The following GABRB1 variants were observed in gnomAD, a reference collection of about 807,000 sequenced individuals.
GABRB1 encodes the protein gamma-aminobutyric acid receptor subunit beta-1.
A neutral mutation model predicts 51.6 loss-of-function variants in GABRB1; 17 were observed. The observed-to-expected ratio is 0.33, with a 90% CI of 0.23 to 0.49. The LOEUF (loss-of-function observed/expected upper bound fraction) is 0.49, where lower values mean the gene tolerates loss of function less well. Ranked by LOEUF, GABRB1 falls within the 20% of genes least tolerant of loss-of-function variation. The probability of loss-of-function intolerance (pLI) is 0.99; values close to 1 mark genes in which losing one functional copy is unlikely to be tolerated. For synonymous variants in GABRB1, 247 were observed against 218.9 expected, an observed-to-expected ratio of 1.13 and a Z score of -1.14; for missense variants, 410 against 600.6, an observed-to-expected ratio of 0.68 and a Z score of 3.32.
chr4:47,398,521 A>G (rs1283305543), intron 5 of GABRB1, among the ~76,000 whole-genome samples: 3 of 152,198 alleles, frequency 2.0e-5, no homozygotes, highest in Non-Finnish European at 4.4e-5. Flanking sequence ...GGAAAGATAT[A>G]TCTTCCCATG....
chr4:47,367,386 A>T (rs1021254720), intron 5 of GABRB1, among the ~76,000 whole-genome samples: 4 of 152,208 alleles, frequency 2.6e-5, no homozygotes, highest in African/African-American at 9.7e-5. Context: ...GAAATTCAAT[A>T]AGTAATTTAT....
intron 3 of GABRB1, among the ~76,000 whole-genome samples, chr4:47,115,038 C>A (rs1363976077): frequency 2.0e-5 from 3 of 152,134 alleles, no homozygotes; most frequent in African/African-American, 7.2e-5. Flanking sequence ...AGTTCCCGTT[C>A]TCTGATACTG....
chr4:47,075,266 A>G (rs1335129210), intron 3 of GABRB1, among the ~76,000 whole-genome samples: 3 of 152,182 alleles, frequency 2.0e-5, no homozygotes, highest in Admixed American at 1.3e-4. Flanking sequence ...TACCAGCTGA[A>G]CCAGCTTTTG....
At chr4:47,384,215 A>G (rs906805966) in intron 5 of GABRB1, among the ~76,000 whole-genome samples, 11 of 152,036 alleles carry the variant, frequency 7.2e-5, no homozygotes. Flanking sequence ...TCCATATATA[A>G]TCTTTGTTAT....
intron 4 of GABRB1, among the ~76,000 whole-genome samples, chr4:47,273,868 C>CACAT (rs138677000): frequency 0.014 from 1,760 of 124,534 alleles, 12 homozygotes; most frequent in Middle Eastern, 0.039. Flanking sequence ...TATACATACA[C>CACAT]ACACACACAC....
At chr4:47,017,742 T>A (rs1724791491) in intron 1 of GABRB1, among the ~76,000 whole-genome samples, 1 of 152,176 alleles carries the variant, frequency 6.6e-6, no homozygotes, top group South Asian at 2.1e-4. Context: ...CTGTGACTAT[T>A]TTATGAACAG....
intron 4 of GABRB1, among the ~76,000 whole-genome samples, chr4:47,224,129 A>G (rs1027952960): frequency 6.6e-6 from 1 of 151,474 alleles, no homozygotes; most frequent in Non-Finnish European, 1.5e-5. Flanking sequence ...GAAAATAGAA[A>G]AGAATGAAAA....
At chr4:47,176,741 G>A (rs759961947) in intron 4 of GABRB1, among the ~76,000 whole-genome samples, 13 of 152,078 alleles carry the variant, frequency 8.5e-5, no homozygotes, top group Non-Finnish European at 1.5e-4. Context: ...GGAAGAAAAG[G>A]CAGAATTAAC....
intron 1 of GABRB1, among the ~76,000 whole-genome samples, chr4:47,019,503 G>A (rs1244545946): frequency 6.6e-6 from 1 of 150,936 alleles, no homozygotes; most frequent in East Asian, 1.9e-4. Context: ...TTTTCTCATA[G>A]TTCTGGAGGC....
intron 3 of GABRB1, among the ~76,000 whole-genome samples, chr4:47,154,786 A>G (rs1439856579): frequency 1.3e-5 from 2 of 152,032 alleles, no homozygotes; most frequent in Admixed American, 1.3e-4. Context: ...GAACCTGTTC[A>G]TTCACTCTCT....
intron 7 of GABRB1, among the ~76,000 whole-genome samples, chr4:47,404,139 T>C (rs1728489141): frequency 6.6e-6 from 1 of 152,200 alleles, no homozygotes; most frequent in Admixed American, 6.5e-5. Context: ...AGAAATACTA[T>C]CCTTTGAATA....
chr4:47,425,509 G>GAT (rs1560380556), intron 8 of GABRB1, among the ~76,000 whole-genome samples, 165 bp from the exon 9 acceptor site: 1 of 151,120 alleles, frequency 6.6e-6, no homozygotes, highest in Non-Finnish European at 1.5e-5. Context: ...TAGATAGATA[G>GAT]ATAGATAGAT....
chr4:47,148,075 T>C (rs1187690984), intron 3 of GABRB1, among the ~76,000 whole-genome samples: 2 of 152,050 alleles, frequency 1.3e-5, no homozygotes, highest in South Asian at 2.1e-4. Flanking sequence ...GAGCTTATTA[T>C]AGTAAATCAG....
chr4:47,064,656 A>C (rs551914543), intron 3 of GABRB1, among the ~76,000 whole-genome samples: 2 of 151,630 alleles, frequency 1.3e-5, no homozygotes, highest in East Asian at 3.9e-4. Flanking sequence ...AAAAAAAAAA[A>C]AAAAAAAGAG....
chr4:47,173,323 C>T (rs538474708), intron 4 of GABRB1, among the ~76,000 whole-genome samples: 7 of 152,128 alleles, frequency 4.6e-5, no homozygotes, highest in South Asian at 2.1e-4. Context: ...GTGTTATCAC[C>T]GTATATATGT....
intron 3 of GABRB1, among the ~76,000 whole-genome samples, chr4:47,060,738 C>T (rs1726814644): frequency 6.6e-6 from 1 of 151,854 alleles, no homozygotes; most frequent in African/African-American, 2.4e-5. Context: ...TCAGCAGCCT[C>T]GATTAATTTC....
chr4:47,307,220 A>T (rs1275007532), intron 4 of GABRB1, among the ~76,000 whole-genome samples: 1 of 152,058 alleles, frequency 6.6e-6, no homozygotes, highest in Non-Finnish European at 1.5e-5. Context: ...TTTTTAAAAA[A>T]CTAGTGTTTT....
chr4:47,285,049 A>C (rs1162929851), intron 4 of GABRB1, among the ~76,000 whole-genome samples: 1 of 152,240 alleles, frequency 6.6e-6, no homozygotes, highest in Non-Finnish European at 1.5e-5. Flanking sequence ...TATAGTTTGC[A>C]ATACAATGAG....
intron 8 of GABRB1, among the ~76,000 whole-genome samples, chr4:47,413,795 T>G (rs16860198): frequency 0.27 from 41,100 of 152,098 alleles, 5,829 homozygotes; most frequent in African/African-American, 0.33. Flanking sequence ...TGATTTATAT[T>G]TCCTCCAGCT....
Sources: gnomAD v4.1 joint callset for allele counts (sites outside exome capture counted in the v4.1 genomes callset) on GRCh38, gnomAD v4.1.1 for gene constraint, MANE v1.5 for transcripts, NCBI Gene and HGNC (gene_info 2026-07-23, HGNC 2026-07-21) for gene names.